The following ARHGAP11B variants were observed in gnomAD, a reference collection of about 807,000 sequenced individuals.
ARHGAP11B encodes inactive Rho GTPase-activating protein 11B.
Under a neutral mutation model 27.6 loss-of-function variants are expected in ARHGAP11B, and 14 were observed. The observed-to-expected ratio is 0.51, with a 90% CI of 0.34 to 0.79. The LOEUF (loss-of-function observed/expected upper bound fraction) is 0.79. Ranked by LOEUF, ARHGAP11B falls within the 30% of genes least tolerant of loss-of-function variation. ARHGAP11B has a pLI of 0.02. For missense variants in ARHGAP11B, 245 were observed against 320.1 expected, an observed-to-expected ratio of 0.77 and a Z score of 1.79; for synonymous variants, 82 against 114.1, an observed-to-expected ratio of 0.72 and a Z score of 1.80.
At chr15:30,632,449 G>A (rs1331967438) in intron 2 of ARHGAP11B, among the ~76,000 whole-genome samples, 1 of 151,370 alleles carries the variant, frequency 6.6e-6, no homozygotes, top group Non-Finnish European at 1.5e-5. Context: ...GCAGATTTTC[G>A]GCGTCTGGAA....
At chr15:30,631,921 G>C (rs2060248529) in intron 2 of ARHGAP11B, among the ~76,000 whole-genome samples, 1 of 149,072 alleles carries the variant, frequency 6.7e-6, no homozygotes, top group African/African-American at 2.5e-5. Context: ...CGAGTAGCTG[G>C]GATTACAGGT....
intron 1 of ARHGAP11B, among the ~76,000 whole-genome samples, chr15:30,628,079 C>CTTTTT (rs371979874): frequency 1.4e-5 from 2 of 141,018 alleles, no homozygotes; most frequent in Non-Finnish European, 3.1e-5. Context: ...TTTTCTTTTC[C>CTTTTT]TTTTTTTTTT....
chr15:30,638,776 A>T, exon 7 of ARHGAP11B: 1 of 1,490,708 alleles, frequency 6.7e-7, no homozygotes. Context: ...AATAAATTTA[A>T]ACCTAACAGA....
intron 1 of ARHGAP11B, among the ~76,000 whole-genome samples, chr15:30,629,096 G>A (rs533797270): frequency 2.0e-4 from 30 of 151,984 alleles, no homozygotes; most frequent in Admixed American, 1.5e-3. Context: ...AATGCTTACT[G>A]TGTGTCAGAC....
chr15:30,638,677 T>C (rs2060296662), intron 6 of ARHGAP11B, 69 bp from the exon 7 acceptor site: 1 of 978,964 alleles, frequency 1.0e-6, no homozygotes. Flanking sequence ...AGACCGCAAA[T>C]ATTAATATGA....
chr15:30,626,774 G>A, exon 1 of ARHGAP11B: 1 of 1,574,022 alleles, frequency 6.4e-7, no homozygotes, highest in Non-Finnish European at 8.6e-7. Flanking sequence ...GGTGGCGAAC[G>A]AGGGTCAGGA....
exon 11 of ARHGAP11B, chr15:30,649,211 A>T (rs2060371162): frequency 6.6e-6 from 1 of 152,192 alleles, no homozygotes; most frequent in Non-Finnish European, 1.5e-5. Context: ...TTTGAATAAA[A>T]TGATACTGAG....
At chr15:30,628,727 T>A (rs1380855907) in intron 1 of ARHGAP11B, among the ~76,000 whole-genome samples, 1 of 152,078 alleles carries the variant, frequency 6.6e-6, no homozygotes, top group Non-Finnish European at 1.5e-5. Flanking sequence ...TAGAAGATCA[T>A]TGTGTTATGA....
intron 1 of ARHGAP11B, among the ~76,000 whole-genome samples, chr15:30,628,110 T>A (rs1236637216): frequency 1.3e-5 from 2 of 150,408 alleles, no homozygotes; most frequent in African/African-American, 2.4e-5. Flanking sequence ...AGATGGAGTC[T>A]CCCTCTGTCG....
chr15:30,635,708 G>A, intron 6 of ARHGAP11B, 75 bp downstream of exon 6: 1 of 1,466,232 alleles, frequency 6.8e-7, no homozygotes, highest in South Asian at 1.3e-5. Context: ...AAAGAAGCAT[G>A]AACTGTGGTA....
rs749536238 is a variant in ARHGAP11B, at chr15:30,626,904, G to A, written c.84G>A (p.Gly28=). The A allele has an allele frequency of 1.9e-6, 3 of 1,613,506 alleles. No individual in the cohort carries two copies. In the South Asian group the frequency reaches 3.3e-5, roughly 18 times the overall value. The change falls in exon 1 of 11, where the codon GGG becomes GGA. Residue 28 remains glycine, a synonymous_variant. Coordinates refer to ENST00000428041, the Ensembl canonical transcript of ARHGAP11B. ...GTATTAAGGTGAAGGGTGTCCGTGG[G>A]CAGTGCGATCGCAGGAGACATGAAA...
At chr15:30,633,424 T>C (rs1259954434) in intron 2 of ARHGAP11B, 66 bp from the exon 3 acceptor site, 5 of 1,411,482 alleles carry the variant, frequency 3.5e-6, no homozygotes, top group Non-Finnish European at 3.9e-6. Context: ...GGCCTGCTCA[T>C]GTATGTTAGC....
exon 1 of ARHGAP11B, chr15:30,626,886 G>A (rs766121048): frequency 6.2e-7 from 1 of 1,613,592 alleles, no homozygotes; most frequent in Non-Finnish European, 8.5e-7. Context: ...ATGGTATTAA[G>A]GTGAAGGGTG....
rs531984049 is a variant in ARHGAP11B at position 30,627,018 on chromosome 15, A to G, written c.129+69A>G. On this transcript the variant is annotated intron_variant, in intron 1 of 10. Coordinates refer to ENST00000428041, the Ensembl canonical transcript of ARHGAP11B. ...ACCCTTTATCATCACTTATTAGCAG[A>G]TCGTGCTAAAATGTTCACTCTGTGT... 108 of 1,598,984 alleles carry G rather than the reference A, an allele frequency of 6.8e-5. No homozygotes were observed. In the East Asian group the frequency reaches 1.3e-3, roughly 19 times the overall value.
At chr15:30,637,397 CAT>C (rs1255682872) in intron 6 of ARHGAP11B, among the ~76,000 whole-genome samples, 4 of 152,216 alleles carry the variant, frequency 2.6e-5, no homozygotes. Context: ...GTTTTTGTGT[CAT>C]ATAAGATTCT....
rs1008290604 is a variant in ARHGAP11B at position 30,629,003 on chromosome 15, C to T, written c.130-1700C>T. 2.0e-5 allele frequency among the ~76,000 whole-genome samples: 3 copies of T among 151,918 alleles called. No individual in the cohort carries two copies. The East Asian group carries it at 5.8e-4, about 29-fold the overall frequency. On this transcript the variant is annotated intron_variant, in intron 1 of 10. Transcript: ENST00000428041. ...CAGTATCAAGAAAATTCTGATTTACCCAATAAAGGGGTTGCCCATACTAAC... is the reference window on the plus strand; with the variant it reads ...CAGTATCAAGAAAATTCTGATTTACTCAATAAAGGGGTTGCCCATACTAAC...
chr15:30,643,907 C>T (rs559023675), intron 7 of ARHGAP11B, among the ~76,000 whole-genome samples: 2 of 152,078 alleles, frequency 1.3e-5, no homozygotes, highest in South Asian at 2.1e-4. Context: ...TCTGGCTGTC[C>T]GAAGCTCATG....
At chr15:30,627,577 T>TA (rs199922844) in intron 1 of ARHGAP11B, among the ~76,000 whole-genome samples, 29 of 152,132 alleles carry the variant, frequency 1.9e-4, no homozygotes, top group Non-Finnish European at 3.8e-4. Context: ...TTTTTTTTTT[T>TA]GTATGAGTAA....
At chr15:30,637,357 A>G (rs188207421) in intron 6 of ARHGAP11B, among the ~76,000 whole-genome samples, 7 of 152,168 alleles carry the variant, frequency 4.6e-5, no homozygotes, top group African/African-American at 1.7e-4. Context: ...CATGGGTTCT[A>G]CCTCTTCCTC....
Sources: allele counts gnomAD v4.1 joint callset (sites outside exome capture counted in the v4.1 genomes callset), GRCh38; gene constraint gnomAD v4.1.1; transcripts MANE v1.5; gene names NCBI Gene and HGNC (gene_info 2026-07-23, HGNC 2026-07-21).